LINGO3: variants seen among roughly 807,000 people sequenced by gnomAD.
LINGO3 encodes leucine-rich repeat and immunoglobulin-like domain-containing nogo receptor-interacting protein 3.
For synonymous variants in LINGO3, 427 were observed against 444.2 expected (o/e 0.96, Z 0.49); for missense variants, 750 against 867.7 (o/e 0.86, Z 1.70).
At chr19:2,301,189 C>A in the LINGO3 span, among the ~76,000 whole-genome samples, 1 of 151,978 alleles carries the variant, frequency 6.6e-6, no homozygotes, top group African/African-American at 2.4e-5. Flanking sequence ...GCTGGGGACC[C>A]CTGGTTTACA....
the LINGO3 span, among the ~76,000 whole-genome samples, chr19:2,303,287 A>G: frequency 6.6e-6 from 1 of 152,110 alleles, no homozygotes; most frequent in Admixed American, 6.5e-5. Context: ...ACAGGTGAGA[A>G]TCGTGCAGCC....
upstream of LINGO3, among the ~76,000 whole-genome samples, chr19:2,292,594 A>G (rs1396891887): frequency 6.6e-6 from 1 of 150,966 alleles, no homozygotes; most frequent in Non-Finnish European, 1.5e-5. Flanking sequence ...GGTTCAAGCA[A>G]TTCTCCTGCC....
At chr19:2,295,189 C>T (rs761106704), upstream of LINGO3, among the ~76,000 whole-genome samples, 5 of 152,244 alleles carry the variant, frequency 3.3e-5, no homozygotes, top group East Asian at 1.9e-4. Context: ...GATGAGGTCA[C>T]GCAGGAGCAG....
At chr19:2,303,664 C>T in the LINGO3 span, among the ~76,000 whole-genome samples, 6 of 152,308 alleles carry the variant, frequency 3.9e-5, no homozygotes, top group South Asian at 2.1e-4. Flanking sequence ...TCCAGCTCTG[C>T]GTGGTCCGAC....
the LINGO3 span, among the ~76,000 whole-genome samples, chr19:2,300,789 G>A: frequency 6.6e-6 from 1 of 152,096 alleles, no homozygotes; most frequent in Non-Finnish European, 1.5e-5. Flanking sequence ...CGCTCCTCCT[G>A]TTCTGGCATT....
chr19:2,290,962 A>C lies in LINGO3; in HGVS notation c.815T>G (p.Leu272Arg), dbSNP rs1463412903. ...GTTGTGCGACAGATTGAGGCAGGTG[A>C]GGTGCGCCTGGTGCCGCAGCGCGGC... Residue 272 changes from leucine (L) to arginine (R), a missense_variant, in exon 1 of 1, where the codon CTC (leucine) becomes CGC (arginine). Leu to Arg is a moderately radical substitution (Grantham distance 102). Coordinates refer to ENST00000585527, the Ensembl canonical transcript of LINGO3. The surrounding 1 kb of genome is among the most constrained non-coding windows in gnomAD (Gnocchi z 6.0). 6.2e-7 allele frequency: 1 copy of C among 1,611,592 alleles called. No individual in the cohort carries two copies. Among genetic ancestry groups the C allele is most frequent in the Non-Finnish European group, 8.5e-7 (1 of 1,179,414 alleles).
upstream of LINGO3, among the ~76,000 whole-genome samples, chr19:2,293,469 C>T (rs1321251056): frequency 6.6e-6 from 1 of 151,754 alleles, no homozygotes; most frequent in African/African-American, 2.4e-5. Flanking sequence ...AAGTGATTCT[C>T]CTGCCTCAGC....
chr19:2,306,108 A>G, the LINGO3 span, among the ~76,000 whole-genome samples: 1 of 152,078 alleles, frequency 6.6e-6, no homozygotes, highest in East Asian at 1.9e-4. Context: ...CCAGTTTTGG[A>G]GCACCCACTG....
At chr19:2,294,198 TACA>T (rs1225322647), upstream of LINGO3, among the ~76,000 whole-genome samples, 5 of 152,122 alleles carry the variant, frequency 3.3e-5, no homozygotes, top group African/African-American at 7.2e-5. This position sits in a 1 kb window ranked among gnomAD's most constrained non-coding sequence, Gnocchi z 4.3. Flanking sequence ...CTCCTGTCCT[TACA>T]ACAAGAGGGA....
At chr19:2,307,050 G>T in the LINGO3 span, among the ~76,000 whole-genome samples, 14 of 152,126 alleles carry the variant, frequency 9.2e-5, no homozygotes, top group Non-Finnish European at 1.5e-4. Flanking sequence ...CTTCCAGGGA[G>T]CCCTCCTGGG....
At chr19:2,291,934 C>G in exon 1 of LINGO3, 1 of 661,522 alleles carries the variant, frequency 1.5e-6, no homozygotes, top group Non-Finnish European at 2.7e-6. Flanking sequence ...CTCCTGTAAA[C>G]CCAGCATTTT....
At chr19:2,288,832 G>GT (rs747025291), downstream of LINGO3, among the ~76,000 whole-genome samples, 5 of 151,866 alleles carry the variant, frequency 3.3e-5, no homozygotes, top group East Asian at 7.8e-4. This position sits in a 1 kb window ranked among gnomAD's most constrained non-coding sequence, Gnocchi z 6.5. Context: ...CTGTGTCTCA[G>GT]TTATGCGTTG....
At chr19:2,305,058 A>T in the LINGO3 span, among the ~76,000 whole-genome samples, 1 of 152,088 alleles carries the variant, frequency 6.6e-6, no homozygotes, top group African/African-American at 2.4e-5. Context: ...TCTGGCCTCC[A>T]GAACGGTGCA....
downstream of LINGO3, among the ~76,000 whole-genome samples, chr19:2,289,151 CTG>C (rs1364131820): frequency 2.0e-5 from 3 of 146,542 alleles, no homozygotes; most frequent in South Asian, 2.2e-4. Flanking sequence ...TGCGTATGAG[CTG>C]TGTGTCCCGG....
upstream of LINGO3, among the ~76,000 whole-genome samples, chr19:2,296,878 G>T (rs1292453975): frequency 6.6e-6 from 1 of 151,314 alleles, no homozygotes; most frequent in East Asian, 2.0e-4. Flanking sequence ...CACAAGGTCA[G>T]GAGATCGAGA....
At chr19:2,297,443 T>C in the LINGO3 span, among the ~76,000 whole-genome samples, 9 of 151,544 alleles carry the variant, frequency 5.9e-5, no homozygotes. Flanking sequence ...GAGCTGGGAC[T>C]ACAGGTGCCC....
exon 1 of LINGO3, chr19:2,291,558 G>A (rs745329479): frequency 6.3e-7 from 1 of 1,588,576 alleles, no homozygotes; most frequent in Non-Finnish European, 8.5e-7. Flanking sequence ...GCGCGGCCAG[G>A]TCGCCCGGGT....
the LINGO3 span, among the ~76,000 whole-genome samples, chr19:2,307,867 G>A: frequency 1.3e-5 from 2 of 152,286 alleles, no homozygotes; most frequent in South Asian, 2.1e-4. Flanking sequence ...GGGGCCCCAG[G>A]GTGGGGAGTT....
At chr19:2,300,779 C>T in the LINGO3 span, among the ~76,000 whole-genome samples, 2 of 152,162 alleles carry the variant, frequency 1.3e-5, no homozygotes, top group African/African-American at 2.4e-5. Context: ...ACATTCAACG[C>T]GCTCCTCCTG....
Sources: gnomAD v4.1 joint callset for allele counts (sites outside exome capture counted in the v4.1 genomes callset) on GRCh38, gnomAD v4.1.1 for gene constraint, Gnocchi (gnomAD v3.1) non-coding constraint, MANE v1.5 for transcripts, NCBI Gene and HGNC (gene_info 2026-07-23, HGNC 2026-07-21) for gene names.